Variants in TMEM132A observed in about 807,000 individuals in gnomAD.
TMEM132A encodes transmembrane protein 132A.
In TMEM132A, 48 loss-of-function variants were observed where a neutral mutation model predicts 69.9. That is an observed-to-expected ratio of 0.69 (90% CI 0.55 to 0.87). TMEM132A has a LOEUF of 0.87. Ranked by LOEUF, TMEM132A falls within the 40% of genes least tolerant of loss-of-function variation. TMEM132A has a pLI of 0.00. For synonymous variants in TMEM132A, 577 were observed against 613.7 expected (o/e 0.94, Z 0.88); for missense variants, 1,287 against 1,407.2 (o/e 0.91, Z 1.37).
chr11:60,936,496 C>A lies in TMEM132A; in HGVS notation c.2661C>A (p.Pro887=). The change falls in exon 11 of 11, where the codon CCC becomes CCA. Residue 887 remains proline (P), a synonymous_variant. Transcript: ENST00000453848. Reference sequence around the variant, plus strand: ...AACCTCCCGACAGTGCCACTGACCCCACCTCCCCCCAGCCCCACAACTGGG... The same window carrying A: ...AACCTCCCGACAGTGCCACTGACCCAACCTCCCCCCAGCCCCACAACTGGG... ...RKEPPDSATD[P]TSPQPHNWVW... 1.2e-6 allele frequency: 2 copies of A among 1,614,132 alleles called. No homozygotes were observed. The highest frequency in any genetic ancestry group is 1.7e-6 in the Non-Finnish European group (2 of 1,180,016).
At chr11:60,935,000 G>A (rs1031980458) in intron 9 of TMEM132A, among the ~76,000 whole-genome samples, 6 of 152,184 alleles carry the variant, frequency 3.9e-5, no homozygotes, top group Non-Finnish European at 7.4e-5. Flanking sequence ...ACCGGGTCTT[G>A]AGGGAAAAGG....
rs1305251863 is a variant in TMEM132A at position 60,934,615 on chromosome 11, C to T, written c.1687C>T (p.Arg563Cys). The T allele has an allele frequency of 1.3e-6, 2 of 1,582,190 alleles. No individual in the cohort carries two copies. The highest frequency in any genetic ancestry group is 1.7e-5 in the Admixed American group (1 of 57,956). The change falls in exon 9 of 11, where the codon CGC becomes TGC. Residue 563 changes from arginine to cysteine, a missense_variant. Physicochemically the swap from Arg to Cys is radical, Grantham distance 180 (BLOSUM62 -3). Transcript: ENST00000453848. ...CGCGGCCCACCCGCTGGACGGCGGC[C>T]GCCGCCTCACGCACCTGCTTGGCCC... ...PFAAHPLDGGRRLTHLLGPDW... is the reference protein window; with the variant it reads ...PFAAHPLDGGCRLTHLLGPDW...
At position 60,936,379 on chromosome 11, in the gene TMEM132A, G is replaced by A; in HGVS notation, c.2544G>A (p.Leu848=). The A allele has an allele frequency of 3.1e-6, 5 of 1,614,190 alleles. No individual in the cohort carries two copies. Among genetic ancestry groups the A allele is most frequent in the Non-Finnish European group, 4.2e-6 (5 of 1,180,018 alleles). ...CTCAGCATGTCACTGAGCTAGAGCT[G>A]GGCATGTACGCCCTGCTGGGAGTCT... The part of the protein sequence containing the change: ...PAPQHVTELE[L]GMYALLGVFC... Residue 848 remains leucine, a synonymous_variant, in exon 11 of 11, where the codon CTG becomes CTA. Coordinates refer to ENST00000453848, the MANE Select transcript of TMEM132A (RefSeq NM_178031.3).
In TMEM132A at chr11:60,935,158, G is replaced by A; in HGVS notation, c.1837-94G>A. ...CGAAGACCTCCCCCACCTCCGGAGG[G>A]CAGCCCGTGAGGGTGCTGGGAGCAC... On this transcript the variant is annotated intron_variant, in intron 9 of 10. Transcript: ENST00000453848. This position sits in a 1 kb window ranked among gnomAD's most constrained non-coding sequence, Gnocchi z 5.0. 2 of 1,253,440 alleles carry A rather than the reference G, an allele frequency of 1.6e-6. No homozygotes were observed. Among genetic ancestry groups the A allele is most frequent in the Non-Finnish European group, 2.2e-6 (2 of 898,898 alleles). The allele number at this position is 1,253,440 out of a possible 1,614,324, so 77.6% of individuals were successfully genotyped here.
chr11:60,930,423 T>TCTC, intron 4 of TMEM132A, 87 bp from the exon 5 acceptor site: 1 of 1,450,846 alleles, frequency 6.9e-7, no homozygotes, highest in Non-Finnish European at 9.2e-7. Context: ...GGAGGTCAGA[T>TCTC]GGCTTTGGCT....
intron 8 of TMEM132A, 98 bp from the exon 9 acceptor site, chr11:60,934,390 A>G (rs1856544617): frequency 3.5e-6 from 4 of 1,137,620 alleles, no homozygotes; most frequent in South Asian, 2.4e-5. Context: ...GGTGATTAGG[A>G]GCCGCCGGGG....
At position 60,936,573 on chromosome 11, in the gene TMEM132A, C is replaced by T; in HGVS notation, c.2738C>T (p.Ser913Phe). The change falls in exon 11 of 11, where the codon TCC becomes TTC. Residue 913 changes from serine to phenylalanine, a missense_variant. Coordinates refer to ENST00000453848, the MANE Select transcript of TMEM132A (RefSeq NM_178031.3). ...CTGAGCCGCCAGCTGGACCGGCAGTCCCCTGGCCCGCCCAAGGGGGAGGGG... is the reference window on the plus strand; with the variant it reads ...CTGAGCCGCCAGCTGGACCGGCAGTTCCCTGGCCCGCCCAAGGGGGAGGGG... ...EELSRQLDRQ[S>F]PGPPKGEGSC... is the part of the protein sequence containing the mutation. 6.2e-7 allele frequency: 1 copy of T among 1,606,512 alleles called. No homozygotes were observed. Among genetic ancestry groups the T allele is most frequent in the Non-Finnish European group, 8.5e-7 (1 of 1,176,600 alleles).
At position 60,932,004 on chromosome 11, in the gene TMEM132A, AG is replaced by A; in HGVS notation, c.1234del (p.Ala412HisfsTer3). 6.2e-7 allele frequency: 1 copy of A among 1,604,426 alleles called. No individual in the cohort carries two copies. The highest frequency in any genetic ancestry group is 8.5e-7 in the Non-Finnish European group (1 of 1,175,440). ...CCCAGGCTGAGGAGCTGGTGAATAC[AG>A]CACCACTGACTGGAGTGCCCCAGCA... ...LAKAEELVNT[A>X]PLTGVPQHVP... On this transcript the variant is annotated frameshift_variant, in exon 7 of 11. Coordinates refer to ENST00000453848, the MANE Select transcript of TMEM132A (RefSeq NM_178031.3). LOFTEE classifies it high-confidence loss of function.
Position 60,933,693 on chromosome 11 carries a change from A to G in TMEM132A, c.1508A>G (p.Asp503Gly). The G allele has an allele frequency of 1.2e-6, 2 of 1,602,962 alleles. No homozygotes were observed. The highest frequency in any genetic ancestry group is 1.7e-6 in the Non-Finnish European group (2 of 1,176,928). The change falls in exon 8 of 11, where the codon GAC becomes GGC. Residue 503 changes from aspartate to glycine, a missense_variant. By Grantham distance (94) the Asp-to-Gly change is moderately conservative (BLOSUM62 -1). Transcript: ENST00000453848. Reference sequence around the variant, plus strand: ...CTACCGCTGCGTATCGAGCTCACCGACACCACCCTCGAGCAGGTCCGCGGC... The same window carrying G: ...CTACCGCTGCGTATCGAGCTCACCGGCACCACCCTCGAGCAGGTCCGCGGC... ...PLLPLRIELTDTTLEQVRGWR... is the reference protein window; with the variant it reads ...PLLPLRIELTGTTLEQVRGWR...
At position 60,934,755 on chromosome 11, in the gene TMEM132A, C is replaced by T; in HGVS notation, c.1827C>T (p.Thr609=). 2 of 1,602,352 alleles carry T rather than the reference C, an allele frequency of 1.2e-6. No homozygotes were observed. The highest frequency in any genetic ancestry group is 1.7e-4 in the Middle Eastern group (1 of 5,996). ...TGGTGGGCCGGGAGCCCGGTGTCAC[C>T]TCCATTGAGGTAAGCAGCTGGGGAC... ...RVVVGREPGV[T]SIEVRSPLSD... is the part of the protein sequence containing the mutation. Residue 609 remains threonine, a synonymous_variant, in exon 9 of 11, where the codon ACC becomes ACT. Coordinates refer to ENST00000453848, the MANE Select transcript of TMEM132A (RefSeq NM_178031.3).
In TMEM132A at chr11:60,936,785, C is replaced by G. The variant is rs777458323; in HGVS notation, c.2950C>G (p.Pro984Ala). Residue 984 changes from proline to alanine, a missense_variant, in exon 11 of 11, where the codon CCT becomes GCT. Physicochemically the swap from Pro to Ala is conservative, Grantham distance 27. Transcript: ENST00000453848. ...GTCACCTGAGGAGCCTGTAGGGGCC[C>G]CTGCTGTGCAGTCCATCCTTGTGGC... ...AQSPEEPVGA[P>A]AVQSILVAGE... is the part of the protein sequence containing the mutation. 4 of 1,613,190 alleles carry G rather than the reference C, an allele frequency of 2.5e-6. No homozygotes were observed. The East Asian group carries it at 6.7e-5, about 27-fold the overall frequency.
rs1370851171 is a variant in TMEM132A at position 60,928,785 on chromosome 11, G to T, written c.691G>T (p.Ala231Ser). The T allele has an allele frequency of 1.2e-6, 2 of 1,610,122 alleles. No homozygotes were observed. Among genetic ancestry groups the T allele is most frequent in the Admixed American group, 3.3e-5 (2 of 59,850 alleles). ...CGAGGAGAACGACCCTGGGGAGCAG[G>T]CCCTCCCAGTGGGGGGTGTGGAGCT... ...SGEENDPGEQ[A>S]LPVGGVELRP... Residue 231 changes from alanine (A) to serine (S), a missense_variant, in exon 4 of 11, where the codon GCC becomes TCC. By Grantham distance (99) the Ala-to-Ser change is moderately conservative (BLOSUM62 1). Transcript: ENST00000453848.
intron 8 of TMEM132A, chr11:60,934,166 G>A: frequency 2.7e-6 from 1 of 374,476 alleles, no homozygotes. Context: ...GGGAGAGGTG[G>A]CCCACGCCTC....
rs1268627185 is a variant in TMEM132A, at chr11:60,928,930, A to T, written c.836A>T (p.His279Leu). ...TTTAGTGCTACCCTCCTGCTTCGGC[A>T]CAACTTCACAGCCAGCCTCCTGACC... The part of the protein sequence containing the change: ...QLFSATLLLR[H>L]NFTASLLTLR... Residue 279 changes from histidine to leucine, a missense_variant, in exon 4 of 11, where the codon CAC becomes CTC. His to Leu is a moderately conservative substitution (Grantham distance 99, BLOSUM62 -3). Transcript: ENST00000453848. 6.2e-7 allele frequency: 1 copy of T among 1,612,598 alleles called. No individual in the cohort carries two copies. The highest frequency in any genetic ancestry group is 1.7e-5 in the Admixed American group (1 of 60,026).
chr11:60,933,271 T>C, intron 7 of TMEM132A: 1 of 490,554 alleles, frequency 2.0e-6, no homozygotes, highest in Non-Finnish European at 3.7e-6. Context: ...CAGTCTCAGC[T>C]ACCCAGGCTC....
In TMEM132A at chr11:60,933,701, C is replaced by G; in HGVS notation, c.1516C>G (p.Leu506Val). The change falls in exon 8 of 11, where the codon CTC becomes GTC. Residue 506 changes from leucine to valine, a missense_variant. Leu to Val is a conservative substitution (Grantham distance 32). Transcript: ENST00000453848. ...PLRIELTDTT[L>V]EQVRGWRVPG... The stretch of plus-strand genomic sequence containing the variant: ...GCGTATCGAGCTCACCGACACCACC[C>G]TCGAGCAGGTCCGCGGCTGGAGGGT... The G allele has an allele frequency of 6.2e-7, 1 of 1,600,386 alleles. No individual in the cohort carries two copies. The highest frequency in any genetic ancestry group is 1.1e-5 in the South Asian group (1 of 89,434).
At chr11:60,932,338 C>T (rs893839593) in intron 7 of TMEM132A, 16 of 512,220 alleles carry the variant, frequency 3.1e-5, no homozygotes, top group African/African-American at 2.3e-4. Context: ...CGACCTTAGA[C>T]ACTTTCACGC....
In TMEM132A at chr11:60,936,960, C is replaced by A; in HGVS notation, c.*53C>A. 1 of 1,442,770 alleles carries A rather than the reference C, an allele frequency of 6.9e-7. No individual in the cohort carries two copies. The allele number at this position is 1,442,770 out of a possible 1,614,324, so 89.4% of individuals were successfully genotyped here. A position where few individuals can be genotyped will look rare whatever the true frequency, so the allele number is the denominator to read the frequency against. On this transcript the variant is annotated 3_prime_UTR_variant, in exon 11 of 11. Transcript: ENST00000453848. ...AGCTGGGGCAACGAGGGTGGAGGTCCCACTGAGCCTCTCGCCTGCCCCCGC... is the reference window on the plus strand; with the variant it reads ...AGCTGGGGCAACGAGGGTGGAGGTCACACTGAGCCTCTCGCCTGCCCCCGC...
intron 1 of TMEM132A, chr11:60,926,997 T>A: frequency 1.6e-6 from 1 of 621,002 alleles, no homozygotes; most frequent in Non-Finnish European, 2.9e-6. Context: ...GGACTCAGAT[T>A]CGAATCCTGG....
Sources: allele counts gnomAD v4.1 joint callset (sites outside exome capture counted in the v4.1 genomes callset), GRCh38; gene constraint gnomAD v4.1.1; non-coding constraint Gnocchi (gnomAD v3.1); transcripts MANE v1.5; gene names NCBI Gene and HGNC (gene_info 2026-07-23, HGNC 2026-07-21).